The following TNIK variants were observed in gnomAD, a reference collection of about 807,000 sequenced individuals.
The protein encoded by TNIK is TRAF2 and NCK-interacting protein kinase.
A neutral mutation model predicts 191.3 loss-of-function variants in TNIK; 49 were observed. The ratio of observed to expected loss-of-function variants is 0.26; its 90% CI spans 0.20 to 0.32. TNIK has a LOEUF of 0.32. TNIK is among the 10% of genes least tolerant of loss of function. The probability of loss-of-function intolerance (pLI) is 1.00; values close to 1 mark genes in which losing one functional copy is unlikely to be tolerated. For missense variants in TNIK, 1,155 were observed against 1,702.3 expected (o/e 0.68, Z 5.66); for synonymous variants, 594 against 600.9 (o/e 0.99, Z 0.17).
intron 31 of TNIK, 57 bp from the exon 32 acceptor site, chr3:171,066,383 A>C: frequency 6.2e-7 from 1 of 1,603,514 alleles, no homozygotes; most frequent in Non-Finnish European, 8.5e-7. Flanking sequence ...AATAACTCAC[A>C]GCATCTGTTC....
At chr3:171,372,520 CA>C (rs1257232600) in intron 1 of TNIK, among the ~76,000 whole-genome samples, 2 of 152,180 alleles carry the variant, frequency 1.3e-5, no homozygotes, top group Non-Finnish European at 2.9e-5. Flanking sequence ...GTAGTGGTAA[CA>C]AAAACTTCAT....
chr3:171,316,954 AT>A (rs1332346664), intron 2 of TNIK, among the ~76,000 whole-genome samples: 1 of 85,770 alleles, frequency 1.2e-5, no homozygotes, highest in Non-Finnish European at 2.5e-5. Context: ...TATATATCAT[AT>A]AAAATATATA....
At chr3:171,149,563 T>A (rs73882616) in intron 12 of TNIK, among the ~76,000 whole-genome samples, 1,641 of 152,230 alleles carry the variant, frequency 0.011, 23 homozygotes, top group South Asian at 0.033. Flanking sequence ...GCACAACACG[T>A]AAGTTAGAAC....
intron 15 of TNIK, among the ~76,000 whole-genome samples, chr3:171,134,057 G>A (rs1047210942): frequency 3.9e-5 from 6 of 152,174 alleles, no homozygotes; most frequent in Admixed American, 3.9e-4. Context: ...GGAAAAGGAA[G>A]GGGAGCCCAC....
intron 5 of TNIK, among the ~76,000 whole-genome samples, 186 bp from the exon 6 acceptor site, chr3:171,190,973 G>A (rs12495729): frequency 0.32 from 48,779 of 151,970 alleles, 8,126 homozygotes; most frequent in East Asian, 0.53. Flanking sequence ...ATAAATTAAA[G>A]TACCCAGGCA....
intron 2 of TNIK, among the ~76,000 whole-genome samples, chr3:171,363,426 T>C (rs1439535280): frequency 6.6e-6 from 1 of 152,158 alleles, no homozygotes; most frequent in African/African-American, 2.4e-5. Context: ...TCTGCATTAT[T>C]CCCATACAAA....
chr3:171,426,376 AG>A (rs1577895062), intron 1 of TNIK, among the ~76,000 whole-genome samples: 1 of 125,594 alleles, frequency 8.0e-6, no homozygotes, highest in Admixed American at 1.0e-4. Context: ...GGACACAGGA[AG>A]GGGAACATCA....
At chr3:171,193,633 T>C (rs530357381) in intron 5 of TNIK, among the ~76,000 whole-genome samples, 2 of 152,324 alleles carry the variant, frequency 1.3e-5, no homozygotes, top group Admixed American at 6.5e-5. Flanking sequence ...TTAACTTCTA[T>C]CCATTTCATC....
chr3:171,382,795 A>G (rs983495575), intron 1 of TNIK, among the ~76,000 whole-genome samples: 11 of 152,212 alleles, frequency 7.2e-5, no homozygotes, highest in Non-Finnish European at 1.6e-4. Context: ...GGCATGGTCG[A>G]GAAATAAACT....
chr3:171,407,809 G>T (rs528163134), intron 1 of TNIK, among the ~76,000 whole-genome samples: 2 of 152,220 alleles, frequency 1.3e-5, no homozygotes, highest in South Asian at 2.1e-4. Context: ...TTCAACAGGC[G>T]CCCATCTATC....
intron 2 of TNIK, among the ~76,000 whole-genome samples, chr3:171,283,530 GT>G (rs1288458828): frequency 6.6e-6 from 1 of 152,308 alleles, no homozygotes; most frequent in East Asian, 1.9e-4. Flanking sequence ...CTGACTGCCA[GT>G]TAAGGGCTCT....
chr3:171,112,103 TATTG>T (rs980500536), intron 18 of TNIK, among the ~76,000 whole-genome samples: 2 of 152,224 alleles, frequency 1.3e-5, no homozygotes, highest in East Asian at 1.9e-4. Flanking sequence ...GTGATGGATA[TATTG>T]ATTAACTTGA....
chr3:171,432,928 T>A (rs1298584426), intron 1 of TNIK, among the ~76,000 whole-genome samples: 1 of 152,158 alleles, frequency 6.6e-6, no homozygotes, highest in African/African-American at 2.4e-5. Context: ...TATCTTCACA[T>A]TTTAATTTAA....
intron 28 of TNIK, among the ~76,000 whole-genome samples, chr3:171,072,606 G>A (rs1362983958): frequency 6.6e-6 from 1 of 152,012 alleles, no homozygotes; most frequent in African/African-American, 2.4e-5. Context: ...AAAATAAAAA[G>A]CATCCAAATT....
At chr3:171,171,852 T>G (rs1212566099) in intron 9 of TNIK, among the ~76,000 whole-genome samples, 1 of 152,252 alleles carries the variant, frequency 6.6e-6, no homozygotes, top group Non-Finnish European at 1.5e-5. Flanking sequence ...TTTCACTTGC[T>G]GGTGCTGATA....
chr3:171,196,102 G>A (rs770647067), intron 4 of TNIK, among the ~76,000 whole-genome samples: 1 of 152,068 alleles, frequency 6.6e-6, no homozygotes, highest in African/African-American at 2.4e-5. Context: ...AACTAACTAA[G>A]AGCTGACAAA....
intron 17 of TNIK, among the ~76,000 whole-genome samples, chr3:171,125,576 G>T (rs1322523872): frequency 6.6e-6 from 1 of 152,150 alleles, no homozygotes; most frequent in Non-Finnish European, 1.5e-5. Flanking sequence ...TCTTGATGTA[G>T]ATTCAGTCAT....
chr3:171,089,020 C>T (rs1721714359), intron 23 of TNIK, among the ~76,000 whole-genome samples: 1 of 152,210 alleles, frequency 6.6e-6, no homozygotes, highest in South Asian at 2.1e-4. Flanking sequence ...CAGCTCTCTG[C>T]ACCTGCCTCT....
intron 1 of TNIK, among the ~76,000 whole-genome samples, chr3:171,450,628 C>T (rs1728061415): frequency 6.6e-6 from 1 of 152,224 alleles, no homozygotes; most frequent in Non-Finnish European, 1.5e-5. Flanking sequence ...TATGCAAACA[C>T]AATCCCCCTT....
Sources: allele counts gnomAD v4.1 joint callset (sites outside exome capture counted in the v4.1 genomes callset), GRCh38; gene constraint gnomAD v4.1.1; transcripts MANE v1.5; gene names NCBI Gene and HGNC (gene_info 2026-07-23, HGNC 2026-07-21).